DOCK1: variants seen among roughly 807,000 people sequenced by gnomAD.
DOCK1 encodes the protein dedicator of cytokinesis 1, also known as dedicator of cytokinesis protein 1.
A neutral mutation model predicts 262.7 loss-of-function variants in DOCK1; 138 were observed. The ratio of observed to expected loss-of-function variants is 0.53; its 90% CI spans 0.46 to 0.61. DOCK1 has a LOEUF of 0.61. Ranked by LOEUF, DOCK1 falls within the 20% of genes least tolerant of loss-of-function variation. The probability of loss-of-function intolerance (pLI) is 0.00; values close to 1 mark genes in which losing one functional copy is unlikely to be tolerated. For synonymous variants in DOCK1, 866 were observed against 867.4 expected (o/e 1.00, Z 0.03); for missense variants, 1,908 against 2,370.7 (o/e 0.80, Z 4.05).
intron 8 of DOCK1, chr10:126,998,496 A>G (rs2040366872): frequency 1.4e-5 from 6 of 421,270 alleles, no homozygotes; most frequent in Non-Finnish European, 2.6e-5. Context: ...TTGCAGGTAC[A>G]CTCTGGCCGT....
At chr10:127,171,110 T>C (rs757083044) in intron 27 of DOCK1, among the ~76,000 whole-genome samples, 6 of 152,314 alleles carry the variant, frequency 3.9e-5, no homozygotes, top group Non-Finnish European at 8.8e-5. Context: ...CTAGTTGATT[T>C]CAGACAAAAT....
chr10:127,264,945 A>G (rs1300288110), intron 29 of DOCK1, among the ~76,000 whole-genome samples: 4 of 152,236 alleles, frequency 2.6e-5, no homozygotes. Flanking sequence ...CTGGGATTAC[A>G]GGCATGAGCC....
intron 10 of DOCK1, among the ~76,000 whole-genome samples, chr10:127,004,603 T>C (rs1051700571): frequency 6.6e-6 from 1 of 151,806 alleles, no homozygotes; most frequent in East Asian, 2.0e-4. Flanking sequence ...AAAAGTTAGC[T>C]GGGCGCTTGG....
intron 29 of DOCK1, among the ~76,000 whole-genome samples, chr10:127,259,149 CCCTGGCATTGCTGTAG>C (rs2059927141): frequency 6.6e-6 from 1 of 152,182 alleles, no homozygotes; most frequent in Non-Finnish European, 1.5e-5. Flanking sequence ...GCCCCGGAGA[CCCTGGCATTGCTGTAG>C]CCTTAGCTCT....
At chr10:127,375,253 T>C (rs960391563) in intron 35 of DOCK1, among the ~76,000 whole-genome samples, 1 of 152,244 alleles carries the variant, frequency 6.6e-6, no homozygotes, top group East Asian at 1.9e-4. Flanking sequence ...AGCTCTCTGC[T>C]TCTCCCTTTG....
chr10:127,022,425 AC>A (rs1252571511), intron 13 of DOCK1, among the ~76,000 whole-genome samples: 10 of 151,974 alleles, frequency 6.6e-5, no homozygotes, highest in South Asian at 6.2e-4. Context: ...GGCGTGCTGC[AC>A]CCATTAGCTC....
chr10:127,167,525 T>C (rs1589736694), intron 27 of DOCK1, among the ~76,000 whole-genome samples: 1 of 152,202 alleles, frequency 6.6e-6, no homozygotes, highest in East Asian at 1.9e-4. Context: ...GAAACTTTTA[T>C]GAATATTATA....
intron 48 of DOCK1, among the ~76,000 whole-genome samples, chr10:127,436,324 C>T (rs1314194484): frequency 6.6e-6 from 1 of 152,040 alleles, no homozygotes; most frequent in African/African-American, 2.4e-5. Context: ...CAAGACCAGC[C>T]TAGGCAACAT....
chr10:126,948,692 C>T (rs2035856898), intron 1 of DOCK1, among the ~76,000 whole-genome samples: 1 of 151,948 alleles, frequency 6.6e-6, no homozygotes, highest in Non-Finnish European at 1.5e-5. Context: ...GAATCCTCAC[C>T]TCTCGGAGCC....
chr10:127,419,589 G>A, intron 45 of DOCK1, 77 bp from the exon 46 acceptor site: 11 of 1,351,012 alleles, frequency 8.1e-6, no homozygotes, highest in South Asian at 7.5e-5. Context: ...TATTCTCAGG[G>A]CCTGGCACAC....
chr10:126,981,431 G>A (rs998309886), intron 3 of DOCK1, among the ~76,000 whole-genome samples: 1 of 152,154 alleles, frequency 6.6e-6, no homozygotes, highest in Non-Finnish European at 1.5e-5. Flanking sequence ...GGCGAAATTC[G>A]GCCTGTCTTT....
intron 43 of DOCK1, among the ~76,000 whole-genome samples, chr10:127,413,891 C>T (rs980381572): frequency 6.6e-6 from 1 of 151,756 alleles, no homozygotes; most frequent in African/African-American, 2.4e-5. Flanking sequence ...TAAATGCTTT[C>T]CAAGATCCAA....
chr10:127,206,789 C>T (rs946730734), intron 27 of DOCK1, among the ~76,000 whole-genome samples: 2 of 152,174 alleles, frequency 1.3e-5, no homozygotes, highest in South Asian at 4.1e-4. Context: ...CATGAAAAAT[C>T]AAGAGCTGGT....
intron 27 of DOCK1, among the ~76,000 whole-genome samples, chr10:127,156,864 G>C (rs948847347): frequency 1.3e-5 from 2 of 152,086 alleles, no homozygotes; most frequent in South Asian, 4.1e-4. Flanking sequence ...CACCATGCCT[G>C]GCCCGAGATA....
rs561496779 is a variant in DOCK1 at position 127,261,102 on chromosome 10, C to G, written c.3044+3673C>G. On this transcript the variant is annotated intron_variant, in intron 29 of 51. Transcript: ENST00000623213. Reference sequence around the variant, plus strand: ...GTACCTGTGCTCATCTGTGTGTGTACCTGCATGTGTGTGCATGTGTGTGTG... The same window carrying G: ...GTACCTGTGCTCATCTGTGTGTGTAGCTGCATGTGTGTGCATGTGTGTGTG... 1.4e-4 allele frequency among the ~76,000 whole-genome samples: 15 copies of G among 105,268 alleles called. No homozygotes were observed. In the East Asian group the frequency reaches 3.6e-3, roughly 26 times the overall value. 69.1% of individuals were successfully genotyped at this position (105,268 alleles called of 152,430 possible). A position where few individuals can be genotyped will look rare whatever the true frequency, so the allele number is the denominator to read the frequency against.
chr10:126,954,054 C>T (rs1334567901), intron 1 of DOCK1, among the ~76,000 whole-genome samples: 4 of 152,188 alleles, frequency 2.6e-5, no homozygotes, highest in African/African-American at 9.7e-5. Context: ...TGCTTTCGTC[C>T]TGCCCAGCAG....
chr10:127,033,845 ACT>A (rs1230891297), intron 18 of DOCK1, among the ~76,000 whole-genome samples: 1 of 152,018 alleles, frequency 6.6e-6, no homozygotes, highest in Non-Finnish European at 1.5e-5. Flanking sequence ...TGCACTTTGC[ACT>A]CTGTTGTTCT....
chr10:127,422,259 C>T (rs1390919787), intron 46 of DOCK1, among the ~76,000 whole-genome samples: 7 of 149,922 alleles, frequency 4.7e-5, no homozygotes, highest in African/African-American at 7.4e-5. Context: ...CTCCACCTCC[C>T]GGGTTCAAGC....
chr10:127,072,008 G>GA, intron 23 of DOCK1, among the ~76,000 whole-genome samples: 1 of 152,242 alleles, frequency 6.6e-6, no homozygotes, highest in Non-Finnish European at 1.5e-5. Context: ...TCAGGAACCT[G>GA]AACTTATTTT....
Sources: gnomAD v4.1 joint callset for allele counts (sites outside exome capture counted in the v4.1 genomes callset) on GRCh38, gnomAD v4.1.1 for gene constraint, MANE v1.5 for transcripts, NCBI Gene and HGNC (gene_info 2026-07-23, HGNC 2026-07-21) for gene names.